RABGAP1L: variants seen among roughly 807,000 people sequenced by gnomAD.
The protein encoded by RABGAP1L is RAB GTPase activating protein 1 like.
Under a neutral mutation model 137.7 loss-of-function variants are expected in RABGAP1L, and 63 were observed. That is an observed-to-expected ratio of 0.46 (90% CI 0.37 to 0.56). RABGAP1L has a LOEUF of 0.56. Among genes scored for constraint, RABGAP1L ranks in the 20% least tolerant of loss-of-function variants. The pLI is 0.00. For synonymous variants in RABGAP1L, 431 were observed against 433.7 expected, an observed-to-expected ratio of 0.99 and a Z score of 0.08; for missense variants, 1,095 against 1,244.0, an observed-to-expected ratio of 0.88 and a Z score of 1.80.
chr1:174,689,689 CACA>C (rs1336664424), intron 15 of RABGAP1L, among the ~76,000 whole-genome samples: 1 of 152,112 alleles, frequency 6.6e-6, no homozygotes, highest in Non-Finnish European at 1.5e-5. Context: ...TAAAGTGACA[CACA>C]ACAACACCAC....
At chr1:174,973,587 G>A (rs189793860) in intron 21 of RABGAP1L, among the ~76,000 whole-genome samples, 98 of 152,098 alleles carry the variant, frequency 6.4e-4, no homozygotes, top group African/African-American at 2.2e-3. Flanking sequence ...GTTTCACCAT[G>A]TTGGCCAGGC....
intron 13 of RABGAP1L, among the ~76,000 whole-genome samples, chr1:174,540,770 A>G (rs552079387): frequency 6.6e-6 from 1 of 152,222 alleles, no homozygotes; most frequent in African/African-American, 2.4e-5. Flanking sequence ...TTGTCTTGGC[A>G]ATGTGGGTTC....
intron 2 of RABGAP1L, chr1:174,220,697 C>T (rs1669692418): frequency 4.7e-6 from 1 of 211,092 alleles, no homozygotes; most frequent in African/African-American, 2.3e-5. Flanking sequence ...AAGATAAATA[C>T]ATCTCTGTAA....
intron 17 of RABGAP1L, among the ~76,000 whole-genome samples, chr1:174,730,483 C>T (rs1007452389): frequency 6.6e-6 from 1 of 152,160 alleles, no homozygotes; most frequent in Non-Finnish European, 1.5e-5. Flanking sequence ...TCGGAAAAAA[C>T]CCCAAACAAA....
At chr1:174,659,236 CA>C (rs11333708) in intron 14 of RABGAP1L, among the ~76,000 whole-genome samples, 50,250 of 124,494 alleles carry the variant, frequency 0.4, 10,072 homozygotes, top group African/African-American at 0.6. Context: ...TTTACTTTAC[CA>C]AAAAAAAAAA....
At chr1:174,337,972 T>G (rs1181519195) in intron 11 of RABGAP1L, among the ~76,000 whole-genome samples, 1 of 152,196 alleles carries the variant, frequency 6.6e-6, no homozygotes, top group Non-Finnish European at 1.5e-5. Flanking sequence ...TGTGAAACAT[T>G]GCAGTTTGAG....
chr1:174,552,388 C>T (rs1228360733), intron 13 of RABGAP1L, among the ~76,000 whole-genome samples: 1 of 152,074 alleles, frequency 6.6e-6, no homozygotes, highest in Non-Finnish European at 1.5e-5. Context: ...GTGCTCTCAT[C>T]ATTTAGCTCC....
chr1:174,745,297 A>G (rs1683785032), intron 17 of RABGAP1L, among the ~76,000 whole-genome samples: 1 of 152,214 alleles, frequency 6.6e-6, no homozygotes, highest in Non-Finnish European at 1.5e-5. Flanking sequence ...GGGACTGAAC[A>G]TGAAAGCTGT....
At chr1:174,635,881 G>A (rs775250233) in intron 13 of RABGAP1L, among the ~76,000 whole-genome samples, 3 of 152,042 alleles carry the variant, frequency 2.0e-5, no homozygotes, top group Non-Finnish European at 4.4e-5. Flanking sequence ...TGTATACTTC[G>A]CAGCTATCAA....
At chr1:174,970,566 T>G (rs1670047063) in intron 21 of RABGAP1L, among the ~76,000 whole-genome samples, 1 of 152,220 alleles carries the variant, frequency 6.6e-6, no homozygotes, top group Non-Finnish European at 1.5e-5. Flanking sequence ...AATTTTACTA[T>G]GTACCCACTA....
intron 11 of RABGAP1L, among the ~76,000 whole-genome samples, chr1:174,353,176 TG>T (rs1287235988): frequency 6.6e-6 from 1 of 152,052 alleles, no homozygotes; most frequent in Non-Finnish European, 1.5e-5. Context: ...TGACCTAGAG[TG>T]TGTCGTGAAA....
chr1:174,923,797 C>T (rs1174313982), intron 19 of RABGAP1L, among the ~76,000 whole-genome samples: 7 of 150,102 alleles, frequency 4.7e-5, no homozygotes, highest in African/African-American at 9.8e-5. Flanking sequence ...AGGAGAATCG[C>T]GTCAACCTGG....
At chr1:174,422,960 AAAAAAAAT>A (rs1055804996) in intron 13 of RABGAP1L, among the ~76,000 whole-genome samples, 1 of 151,726 alleles carries the variant, frequency 6.6e-6, no homozygotes, top group African/African-American at 2.4e-5. Flanking sequence ...AAAAAAAAAA[AAAAAAAAT>A]TTTTTTTGAA....
chr1:174,521,362 A>G (rs61826883), intron 13 of RABGAP1L, among the ~76,000 whole-genome samples: 13,671 of 152,262 alleles, frequency 0.09, 834 homozygotes, highest in East Asian at 0.22. Flanking sequence ...CATTTTTTCA[A>G]TGGCTTATAC....
At chr1:174,774,870 C>A (rs561537468) in intron 18 of RABGAP1L, among the ~76,000 whole-genome samples, 1 of 152,210 alleles carries the variant, frequency 6.6e-6, no homozygotes, top group East Asian at 1.9e-4. Context: ...CAGAGCAAGA[C>A]CCTGTCTCAG....
At chr1:174,932,292 G>A (rs2149263137) in intron 19 of RABGAP1L, among the ~76,000 whole-genome samples, 1 of 151,170 alleles carries the variant, frequency 6.6e-6, no homozygotes, top group East Asian at 1.9e-4. Context: ...GCCTGATGCT[G>A]TGTTTAACTC....
intron 11 of RABGAP1L, among the ~76,000 whole-genome samples, chr1:174,335,092 A>C (rs1681361687): frequency 6.6e-6 from 1 of 152,160 alleles, no homozygotes; most frequent in African/African-American, 2.4e-5. Flanking sequence ...TATATAAAAA[A>C]AAGCTACGAA....
chr1:174,904,699 G>C (rs1658740767), intron 19 of RABGAP1L, among the ~76,000 whole-genome samples: 1 of 151,872 alleles, frequency 6.6e-6, no homozygotes. Flanking sequence ...ACCCAGGCTG[G>C]AATGCAGTGG....
intron 13 of RABGAP1L, among the ~76,000 whole-genome samples, chr1:174,630,090 G>A (rs1343493272): frequency 6.6e-6 from 1 of 151,056 alleles, no homozygotes; most frequent in East Asian, 1.9e-4. Flanking sequence ...TTTATTGAGA[G>A]TTTTTAGCAT....
Sources: allele counts gnomAD v4.1 joint callset (sites outside exome capture counted in the v4.1 genomes callset), GRCh38; gene constraint gnomAD v4.1.1; transcripts MANE v1.5; gene names NCBI Gene and HGNC (gene_info 2026-07-23, HGNC 2026-07-21).